PDE10A: variants seen among roughly 807,000 people sequenced by gnomAD.
PDE10A encodes the protein phosphodiesterase 10A.
A neutral mutation model predicts 97.7 loss-of-function variants in PDE10A; 39 were observed. That is an observed-to-expected ratio of 0.40 (90% CI 0.31 to 0.52). PDE10A has a LOEUF of 0.52. Ranked by LOEUF, PDE10A falls within the 20% of genes least tolerant of loss-of-function variation. The pLI is 0.56. For synonymous variants in PDE10A, 371 were observed against 376.8 expected (o/e 0.98, Z 0.18); for missense variants, 731 against 1,047.8 (o/e 0.70, Z 4.17).
At chr6:165,470,972 A>G (rs888268386) in intron 3 of PDE10A, among the ~76,000 whole-genome samples, 1 of 151,926 alleles carries the variant, frequency 6.6e-6, no homozygotes, top group African/African-American at 2.4e-5. Flanking sequence ...TTTACCACCC[A>G]TTTCTCTCCT....
At chr6:165,703,863 G>A (rs994884291) in intron 1 of PDE10A, among the ~76,000 whole-genome samples, 29 of 152,200 alleles carry the variant, frequency 1.9e-4, no homozygotes, top group African/African-American at 6.5e-4. Context: ...TCCTTTGCGA[G>A]TCTCCACTGG....
At chr6:165,596,268 A>C (rs1444782445) in intron 1 of PDE10A, among the ~76,000 whole-genome samples, 1 of 152,158 alleles carries the variant, frequency 6.6e-6, no homozygotes, top group South Asian at 2.1e-4. Context: ...TCTCTCATCC[A>C]GTCTACTGTG....
chr6:165,555,181 G>A (rs192076540), intron 1 of PDE10A, among the ~76,000 whole-genome samples: 2 of 152,270 alleles, frequency 1.3e-5, no homozygotes, highest in Non-Finnish European at 2.9e-5. Flanking sequence ...TGGAGTGTTT[G>A]TAACTCAAAG....
At chr6:165,876,895 G>C (rs138887218) in intron 1 of PDE10A, among the ~76,000 whole-genome samples, 1 of 152,194 alleles carries the variant, frequency 6.6e-6, no homozygotes, top group Admixed American at 6.5e-5. Context: ...AGGAGCAGCT[G>C]TACGAAAACA....
chr6:165,793,170 G>A (rs1430580473), intron 1 of PDE10A, among the ~76,000 whole-genome samples: 1 of 152,140 alleles, frequency 6.6e-6, no homozygotes, highest in East Asian at 1.9e-4. Flanking sequence ...AATCACCAAA[G>A]GCACTGAGGT....
intron 2 of PDE10A, among the ~76,000 whole-genome samples, chr6:165,483,407 C>T (rs1248681743): frequency 2.6e-5 from 4 of 152,256 alleles, no homozygotes; most frequent in South Asian, 2.1e-4. Context: ...GGTTAGAGTA[C>T]GGCCTCTGAC....
chr6:165,857,079 GGATT>G (rs767278978), intron 1 of PDE10A, among the ~76,000 whole-genome samples: 6 of 152,154 alleles, frequency 3.9e-5, no homozygotes, highest in Non-Finnish European at 8.8e-5. Context: ...TAAGATGATG[GGATT>G]GATTAAGTCC....
intron 13 of PDE10A, among the ~76,000 whole-genome samples, chr6:165,405,950 T>C (rs774330927): frequency 5.3e-5 from 8 of 152,122 alleles, no homozygotes; most frequent in Non-Finnish European, 1.2e-4. Context: ...CCACCTAGGA[T>C]GTAGGGTCCA....
intron 18 of PDE10A, among the ~76,000 whole-genome samples, chr6:165,354,268 AT>A (rs1422520068): frequency 5.3e-5 from 8 of 152,172 alleles, no homozygotes; most frequent in African/African-American, 1.2e-4. Context: ...GAAAAAAATA[AT>A]TTTGGAGAAG....
chr6:165,542,186 A>G (rs1188831832), intron 2 of PDE10A, among the ~76,000 whole-genome samples: 1 of 152,234 alleles, frequency 6.6e-6, no homozygotes, highest in African/African-American at 2.4e-5. Flanking sequence ...GTATAATTTA[A>G]AAAAAGTTGA....
intron 3 of PDE10A, among the ~76,000 whole-genome samples, chr6:165,464,092 C>T (rs1293511320): frequency 3.3e-5 from 5 of 152,216 alleles, no homozygotes; most frequent in African/African-American, 9.6e-5. Flanking sequence ...TGATTTCCCA[C>T]TTCACACCTC....
At chr6:165,564,505 A>G (rs1231072891) in intron 1 of PDE10A, among the ~76,000 whole-genome samples, 1 of 152,244 alleles carries the variant, frequency 6.6e-6, no homozygotes, top group Non-Finnish European at 1.5e-5. Flanking sequence ...AAACTTAATA[A>G]ATGAAAATAT....
chr6:165,646,415 T>G (rs538238699), intron 1 of PDE10A, among the ~76,000 whole-genome samples: 28 of 152,358 alleles, frequency 1.8e-4, no homozygotes, highest in African/African-American at 6.7e-4. Flanking sequence ...GGAAAAAGTA[T>G]TTAATGAACT....
chr6:165,740,403 T>G (rs930439926), intron 1 of PDE10A, among the ~76,000 whole-genome samples: 2 of 152,050 alleles, frequency 1.3e-5, no homozygotes, highest in African/African-American at 4.8e-5. Flanking sequence ...TGATCTCAGC[T>G]CACTGCAACC....
intron 8 of PDE10A, 138 bp from the exon 9 acceptor site, chr6:165,430,483 A>G (rs1005679036): frequency 2.6e-5 from 15 of 567,596 alleles, no homozygotes; most frequent in African/African-American, 2.1e-4. Flanking sequence ...AATAATATCA[A>G]TAACCATTAA....
intron 1 of PDE10A, among the ~76,000 whole-genome samples, chr6:165,674,186 G>A (rs1790728600): frequency 6.6e-6 from 1 of 152,020 alleles, no homozygotes; most frequent in Admixed American, 6.5e-5. Flanking sequence ...GACTTTTGCC[G>A]AACTTCATTT....
At chr6:165,688,238 C>T (rs1582930986) in intron 1 of PDE10A, among the ~76,000 whole-genome samples, 1 of 152,216 alleles carries the variant, frequency 6.6e-6, no homozygotes, top group Middle Eastern at 3.4e-3. Flanking sequence ...GAGACCAAGT[C>T]AAGAGATGAT....
chr6:165,593,450 A>G (rs1786402493), intron 1 of PDE10A, among the ~76,000 whole-genome samples: 1 of 151,676 alleles, frequency 6.6e-6, no homozygotes, highest in Non-Finnish European at 1.5e-5. Context: ...GTATAATGGG[A>G]AAAAAAAAGT....
chr6:165,392,814 T>G lies in PDE10A; in HGVS notation c.2304-18A>C. The G allele has an allele frequency of 6.2e-7, 1 of 1,612,010 alleles. No homozygotes were observed. Among genetic ancestry groups the G allele is most frequent in the Non-Finnish European group, 8.5e-7 (1 of 1,178,548 alleles). Reference sequence around the variant, plus strand: ...GCTCAAAGCTGCATGGAAAAGAAATTGTTATGACTGAAACCAGTAGAGAAT... The same window carrying G: ...GCTCAAAGCTGCATGGAAAAGAAATGGTTATGACTGAAACCAGTAGAGAAT... On this transcript the variant is annotated intron_variant, in intron 15 of 21. Transcript: ENST00000539869.
Sources: allele counts gnomAD v4.1 joint callset (sites outside exome capture counted in the v4.1 genomes callset), GRCh38; gene constraint gnomAD v4.1.1; transcripts MANE v1.5; gene names NCBI Gene and HGNC (gene_info 2026-07-23, HGNC 2026-07-21).